The following ADGRL3 variants were observed in gnomAD, a reference collection of about 807,000 sequenced individuals.
ADGRL3 encodes the protein adhesion G protein-coupled receptor L3.
Under a neutral mutation model 153.5 loss-of-function variants are expected in ADGRL3, and 62 were observed. That is an observed-to-expected ratio of 0.40 (90% CI 0.33 to 0.50). The LOEUF (loss-of-function observed/expected upper bound fraction) is 0.50. Among genes scored for constraint, ADGRL3 ranks in the 20% least tolerant of loss-of-function variants. The pLI is 0.47. For missense variants in ADGRL3, 1,641 were observed against 1,859.4 expected (o/e 0.88, Z 2.16); for synonymous variants, 710 against 672.5 (o/e 1.06, Z -0.86).
chr4:61,318,193 C>CAAAAAAAAAA (rs757545966), intron 1 of ADGRL3, among the ~76,000 whole-genome samples: 2 of 48,610 alleles, frequency 4.1e-5, no homozygotes, highest in African/African-American at 5.6e-5. Flanking sequence ...GAACCTGTCT[C>CAAAAAAAAAA]AAAAAAAAAA....
At chr4:61,927,437 C>T (rs895363270) in intron 13 of ADGRL3, among the ~76,000 whole-genome samples, 1 of 151,424 alleles carries the variant, frequency 6.6e-6, no homozygotes, top group Admixed American at 6.6e-5. Flanking sequence ...TTGTTTTACT[C>T]TTAAAGGTCC....
intron 25 of ADGRL3, among the ~76,000 whole-genome samples, chr4:62,058,742 G>A (rs765515115): frequency 1.3e-5 from 2 of 152,104 alleles, no homozygotes; most frequent in Non-Finnish European, 2.9e-5. Context: ...GAACTTCTTG[G>A]AAGTCTTCAA....
intron 2 of ADGRL3, among the ~76,000 whole-genome samples, chr4:61,457,802 G>A (rs2097769885): frequency 6.6e-6 from 1 of 151,496 alleles, no homozygotes; most frequent in African/African-American, 2.4e-5. Flanking sequence ...GAATTTTTTT[G>A]ATCAGTTATT....
chr4:61,464,932 C>T (rs1301239637), intron 2 of ADGRL3, among the ~76,000 whole-genome samples: 2 of 152,306 alleles, frequency 1.3e-5, no homozygotes, highest in Non-Finnish European at 1.5e-5. Context: ...ATAACCGTTT[C>T]TCTTACATCC....
At chr4:61,659,609 C>T (rs2094535558) in intron 5 of ADGRL3, among the ~76,000 whole-genome samples, 2 of 152,014 alleles carry the variant, frequency 1.3e-5, no homozygotes, top group Admixed American at 1.3e-4. Context: ...CCCATTATTA[C>T]AGAAAAAGGA....
At chr4:62,002,572 A>G in intron 21 of ADGRL3, among the ~76,000 whole-genome samples, 1 of 151,976 alleles carries the variant, frequency 6.6e-6, no homozygotes, top group East Asian at 1.9e-4. Context: ...ATAATAAAAA[A>G]TAGAGTGAAG....
chr4:61,311,593 C>G (rs1383436147), intron 1 of ADGRL3, among the ~76,000 whole-genome samples: 1 of 152,140 alleles, frequency 6.6e-6, no homozygotes, highest in Non-Finnish European at 1.5e-5. Flanking sequence ...GTTACTCACA[C>G]CTAACTACCT....
intron 6 of ADGRL3, among the ~76,000 whole-genome samples, chr4:61,724,087 A>G (rs1336114758): frequency 6.6e-6 from 1 of 152,152 alleles, no homozygotes; most frequent in Non-Finnish European, 1.5e-5. Context: ...TCTAATATAT[A>G]AACACGCATA....
intron 1 of ADGRL3, among the ~76,000 whole-genome samples, chr4:61,204,443 A>G (rs1281757998): frequency 1.3e-5 from 2 of 152,218 alleles, no homozygotes; most frequent in Non-Finnish European, 2.9e-5. Flanking sequence ...TCTAATCACA[A>G]TGATTCCCAG....
chr4:61,836,413 T>C (rs2097935985), intron 9 of ADGRL3, among the ~76,000 whole-genome samples: 1 of 152,156 alleles, frequency 6.6e-6, no homozygotes, highest in Non-Finnish European at 1.5e-5. Flanking sequence ...AAGTGTAGTG[T>C]TTCCTTTATA....
chr4:61,710,849 T>C (rs1226102830), intron 6 of ADGRL3, among the ~76,000 whole-genome samples: 3 of 151,340 alleles, frequency 2.0e-5, no homozygotes, highest in Non-Finnish European at 2.9e-5. Context: ...ATAATATTGA[T>C]TTTTTTTGTT....
rs1006170336 is a variant in ADGRL3 at position 61,449,613 on chromosome 4, C to T, written c.-173-47508C>T. ...TAAATCACACAACTTCCTAGATACC[C>T]AGTCTGGACTATTAACAAAGCACTG... On this transcript the variant is annotated intron_variant, in intron 2 of 26. Transcript: ENST00000683033. 1.1e-4 allele frequency among the ~76,000 whole-genome samples: 16 copies of T among 152,132 alleles called. 1 individual carries two copies. Among genetic ancestry groups the T allele is most frequent in the African/African-American group, 3.9e-4 (16 of 41,434 alleles).
At chr4:61,373,051 C>T (rs1291284326) in intron 1 of ADGRL3, among the ~76,000 whole-genome samples, 1 of 152,186 alleles carries the variant, frequency 6.6e-6, no homozygotes, top group Non-Finnish European at 1.5e-5. Flanking sequence ...ACCCCTTGTG[C>T]TTCCCGAGTG....
intron 2 of ADGRL3, among the ~76,000 whole-genome samples, chr4:61,389,014 A>G (rs2096772832): frequency 6.6e-6 from 1 of 152,158 alleles, no homozygotes; most frequent in African/African-American, 2.4e-5. Context: ...TGTATTCTAA[A>G]TATTTCCTCT....
chr4:61,670,438 C>T (rs1580195473), intron 5 of ADGRL3, among the ~76,000 whole-genome samples: 1 of 152,184 alleles, frequency 6.6e-6, no homozygotes, highest in Non-Finnish European at 1.5e-5. Context: ...GCTTCACACA[C>T]AAGTATGTTA....
chr4:61,875,970 G>A (rs923359823), intron 9 of ADGRL3, among the ~76,000 whole-genome samples: 4 of 151,726 alleles, frequency 2.6e-5, no homozygotes, highest in African/African-American at 9.7e-5. Context: ...AGGATCTTTT[G>A]AGTACAACAG....
At chr4:61,233,302 T>C (rs969427025) in intron 1 of ADGRL3, among the ~76,000 whole-genome samples, 1 of 152,202 alleles carries the variant, frequency 6.6e-6, no homozygotes, top group Non-Finnish European at 1.5e-5. Context: ...AGTTACTCTT[T>C]TCTTTTTTTA....
chr4:61,655,733 G>A (rs539096076), intron 5 of ADGRL3, among the ~76,000 whole-genome samples: 1 of 152,264 alleles, frequency 6.6e-6, no homozygotes, highest in East Asian at 1.9e-4. Context: ...ATGGGAAATT[G>A]TGATATAAAA....
chr4:61,354,038 T>C (rs1331348333), intron 1 of ADGRL3, among the ~76,000 whole-genome samples: 1 of 152,190 alleles, frequency 6.6e-6, no homozygotes, highest in East Asian at 1.9e-4. Context: ...AAACATCATC[T>C]ATAAATAATA....
Sources: gnomAD v4.1 joint callset for allele counts (sites outside exome capture counted in the v4.1 genomes callset) on GRCh38, gnomAD v4.1.1 for gene constraint, MANE v1.5 for transcripts, NCBI Gene and HGNC (gene_info 2026-07-23, HGNC 2026-07-21) for gene names.